The following RAD52 variants were observed in gnomAD, a reference collection of about 807,000 sequenced individuals.
The protein encoded by RAD52 is RAD52 DNA repair protein.
Under a neutral mutation model 55.5 loss-of-function variants are expected in RAD52, and 47 were observed. The ratio of observed to expected loss-of-function variants is 0.85; its 90% confidence interval spans 0.67 to 1.08. The LOEUF is 1.08. Among genes scored for constraint, RAD52 ranks in the 50% least tolerant of loss-of-function variants. The pLI is 0.00. For missense variants in RAD52, 468 were observed against 522.8 expected, an observed-to-expected ratio of 0.90 and a Z score of 1.02; for synonymous variants, 184 against 198.9, an observed-to-expected ratio of 0.92 and a Z score of 0.63.
intron 1 of RAD52, among the ~76,000 whole-genome samples, chr12:983,791 T>C (rs966820030): frequency 1.3e-5 from 2 of 152,180 alleles, no homozygotes; most frequent in Admixed American, 1.3e-4. Flanking sequence ...CCTCTTCTTA[T>C]AAGGACACCA....
chr12:945,393 T>C (rs942675107), intron 1 of RAD52, among the ~76,000 whole-genome samples: 4 of 150,658 alleles, frequency 2.7e-5, no homozygotes, highest in Non-Finnish European at 5.9e-5. Flanking sequence ...AATCTCAAAA[T>C]GTCATTACCT....
intron 1 of RAD52, among the ~76,000 whole-genome samples, chr12:956,836 C>G (rs1184212120): frequency 6.6e-6 from 1 of 152,132 alleles, no homozygotes; most frequent in Admixed American, 6.6e-5. Flanking sequence ...CGTGAGCCAC[C>G]GCGCCTGGCC....
At chr12:960,702 G>A (rs1389882294) in intron 1 of RAD52, among the ~76,000 whole-genome samples, 1 of 152,104 alleles carries the variant, frequency 6.6e-6, no homozygotes, top group Non-Finnish European at 1.5e-5. Context: ...TTGACCTCAA[G>A]CGATGCCCCC....
chr12:928,595 C>G (rs997774040), intron 5 of RAD52, among the ~76,000 whole-genome samples: 20 of 151,656 alleles, frequency 1.3e-4, no homozygotes, highest in African/African-American at 4.8e-4. Context: ...AAAACAGCAC[C>G]ATCCATCTCA....
At chr12:915,903 G>C (rs1452957595) in intron 9 of RAD52, among the ~76,000 whole-genome samples, 1 of 152,138 alleles carries the variant, frequency 6.6e-6, no homozygotes, top group Admixed American at 6.5e-5. Context: ...TTTTAATAGA[G>C]ACGGGGTTTC....
chr12:935,824 G>A (rs1322121533), intron 1 of RAD52, among the ~76,000 whole-genome samples: 8 of 151,254 alleles, frequency 5.3e-5, no homozygotes, highest in Admixed American at 2.6e-4. Context: ...TTGCACTCCC[G>A]CCTGGGAAAC....
chr12:951,460 T>C (rs762231838), upstream of RAD52, among the ~76,000 whole-genome samples: 1 of 152,210 alleles, frequency 6.6e-6, no homozygotes, highest in African/African-American at 2.4e-5. Flanking sequence ...TATGAGTTGT[T>C]TGCTTTCTTC....
At chr12:918,867 C>T (rs1956551921) in intron 7 of RAD52, among the ~76,000 whole-genome samples, 1 of 152,120 alleles carries the variant, frequency 6.6e-6, no homozygotes, top group South Asian at 2.1e-4. Flanking sequence ...TCAAGCTGAG[C>T]ATGGATGATA....
chr12:984,343 C>T (rs1959058470), intron 1 of RAD52, among the ~76,000 whole-genome samples: 1 of 152,022 alleles, frequency 6.6e-6, no homozygotes, highest in Non-Finnish European at 1.5e-5. Context: ...TTCTAGGTGC[C>T]TGCCACCACA....
chr12:925,485 C>T lies in RAD52; in HGVS notation c.508G>A (p.Asp170Asn), dbSNP rs200127435. Residue 170 changes from aspartate to asparagine, a missense_variant, in exon 7 of 12, where the codon GAC becomes AAC. Physicochemically the swap from Asp to Asn is conservative, Grantham distance 23. Transcript: ENST00000358495. ...AGCTTATTTAGTGATCTCAGGTAGTCTTTGTCCAGAATACAGTTTCCAAGT... is the reference window on the plus strand; with the variant it reads ...AGCTTATTTAGTGATCTCAGGTAGTTTTTGTCCAGAATACAGTTTCCAAGT... ...NALGNCILDK[D>N]YLRSLNKLPR... 6.2e-7 allele frequency: 1 copy of T among 1,614,014 alleles called. No homozygotes were observed. Among genetic ancestry groups the T allele is most frequent in the East Asian group, 2.2e-5 (1 of 44,872 alleles).
chr12:968,161 G>C (rs1958795920), intron 1 of RAD52, among the ~76,000 whole-genome samples: 1 of 152,104 alleles, frequency 6.6e-6, no homozygotes. Context: ...GACAAAAATT[G>C]ATAGTATTAA....
At position 936,316 on chromosome 12, in the gene RAD52, AAAAC is replaced by A. The variant is rs1415683278; in HGVS notation, c.-18-3244_-18-3241del. Among the ~76,000 whole-genome samples the A allele has an allele frequency of 5.9e-5, 9 of 152,048 alleles. 1 individual carries two copies. The highest frequency in any genetic ancestry group is 3.9e-4 in the Admixed American group (6 of 15,264). On this transcript the variant is annotated intron_variant, in intron 1 of 11. Coordinates refer to ENST00000358495, the MANE Select transcript of RAD52 (RefSeq NM_134424.4). The stretch of plus-strand genomic sequence containing the variant: ...AAGACTCTTTCTCAAAAAACAAAAC[AAAAC>A]AAACAAAAAAAATTCAGTCTTTTAT...
In RAD52 at chr12:914,035, C is replaced by G; in HGVS notation, c.1054G>C (p.Ala352Pro). 1 of 1,614,168 alleles carries G rather than the reference C, an allele frequency of 6.2e-7. No homozygotes were observed. The highest frequency in any genetic ancestry group is 8.5e-7 in the Non-Finnish European group (1 of 1,180,038). Reference protein sequence around the residue: ...VVKPSSRADPAQTSDTLALNN... With the variant: ...VVKPSSRADPPQTSDTLALNN... ...AAGGCTAATGTGTCAGAGGTCTGGG[C>G]TGGGTCTGCTCTAGACGAGGGCTTG... Residue 352 changes from alanine (A) to proline (P), a missense_variant, in exon 11 of 12, where the codon GCC (alanine) becomes CCC (proline). Ala to Pro is a conservative substitution (Grantham distance 27, BLOSUM62 -1). Transcript: ENST00000358495.
intron 2 of RAD52, among the ~76,000 whole-genome samples, chr12:932,611 C>CA (rs1436198367): frequency 1.3e-5 from 2 of 152,044 alleles, no homozygotes; most frequent in Non-Finnish European, 2.9e-5. Flanking sequence ...TATCCCCCCC[C>CA]ACAAAAAATT....
At chr12:936,835 G>A (rs1957661100) in intron 1 of RAD52, 1 of 152,206 alleles carries the variant, frequency 6.6e-6, no homozygotes, top group African/African-American at 2.4e-5. Context: ...TTGGCCTTGT[G>A]TGTCCTTGAG....
rs1369056532 is a variant in RAD52 at position 964,723 on chromosome 12, C to T, written c.-19+25086G>A. 3.9e-5 allele frequency among the ~76,000 whole-genome samples: 6 copies of T among 151,932 alleles called. No homozygotes were observed. The East Asian group carries it at 1.2e-3, about 29-fold the overall frequency. On this transcript the variant is annotated intron_variant, in intron 1 of 11. Transcript: ENST00000430095. ...CTTCCCAAAAAGCTGGAACCACAGG[C>T]GCATGCACTACGCCCAGCTAATTTT...
intron 5 of RAD52, among the ~76,000 whole-genome samples, chr12:929,288 G>A (rs957820356): frequency 1.3e-5 from 2 of 152,138 alleles, no homozygotes; most frequent in African/African-American, 4.8e-5. Flanking sequence ...CTTGTTCATT[G>A]TATTTCTTCA....
intron 1 of RAD52, 143 bp from the exon 2 acceptor site, chr12:933,219 G>A (rs568356369): frequency 1.7e-6 from 1 of 578,106 alleles, no homozygotes; most frequent in Non-Finnish European, 3.1e-6. Flanking sequence ...AGCACTTTGG[G>A]AGGCCGAGGT....
chr12:984,028 C>T (rs1959054469), intron 1 of RAD52, among the ~76,000 whole-genome samples: 1 of 152,094 alleles, frequency 6.6e-6, no homozygotes, highest in Non-Finnish European at 1.5e-5. Context: ...AACTATTTTT[C>T]AGTGTATAGT....
Sources: gnomAD v4.1 joint callset for allele counts (sites outside exome capture counted in the v4.1 genomes callset) on GRCh38, gnomAD v4.1.1 for gene constraint, MANE v1.5 for transcripts, NCBI Gene and HGNC (gene_info 2026-07-23, HGNC 2026-07-21) for gene names.